NPHP4: variants seen among roughly 807,000 people sequenced by gnomAD.
NPHP4 encodes nephrocystin 4.
In NPHP4, 151 loss-of-function variants were observed where a neutral mutation model predicts 155.8. That is an observed-to-expected ratio of 0.97 (90% confidence interval 0.85 to 1.11). NPHP4 has a LOEUF of 1.11. NPHP4 is among the 50% of genes least tolerant of loss of function. The pLI, the probability that NPHP4 is intolerant of heterozygous loss-of-function variation, is 0.00. For synonymous variants in NPHP4, 845 were observed against 816.8 expected, an observed-to-expected ratio of 1.03 and a Z score of -0.59; for missense variants, 1,956 against 1,925.7, an observed-to-expected ratio of 1.02 and a Z score of -0.29.
At chr1:5,960,106 T>C (rs1179686571) in intron 6 of NPHP4, among the ~76,000 whole-genome samples, 1 of 152,186 alleles carries the variant, frequency 6.6e-6, no homozygotes, top group Non-Finnish European at 1.5e-5. Context: ...TCAACAGCAG[T>C]GACAATGAGG....
At chr1:5,984,342 G>A (rs1358667953) in intron 2 of NPHP4, among the ~76,000 whole-genome samples, 1 of 151,982 alleles carries the variant, frequency 6.6e-6, no homozygotes, top group East Asian at 1.9e-4. Flanking sequence ...AAACCAGCCT[G>A]GCCAACATGG....
intron 11 of NPHP4, among the ~76,000 whole-genome samples, chr1:5,918,993 G>C (rs942931679): frequency 7.9e-5 from 12 of 152,196 alleles, no homozygotes; most frequent in Non-Finnish European, 1.0e-4. Context: ...CTGCAGATCA[G>C]GGGTCTGCAA....
At chr1:5,888,661 G>A in intron 17 of NPHP4, 1 of 1,283,282 alleles carries the variant, frequency 7.8e-7, no homozygotes, top group East Asian at 4.6e-5. Context: ...TTCTCCAAGA[G>A]GCAAGGAAAT....
Position 5,897,405 on chromosome 1 carries a change from G to T in NPHP4, c.2144-6377C>A, listed in dbSNP as rs527683507. ...TTAACCAAGCAACCGAATCAGCGTC[G>T]TAACAATGAGATAGTCTGACATTCG... On this transcript the variant is annotated intron_variant, in intron 16 of 29. Transcript: ENST00000378156. Among the ~76,000 whole-genome samples the T allele has an allele frequency of 7.9e-5, 12 of 152,268 alleles. No individual in the cohort carries two copies. The South Asian group carries it at 1.7e-3, about 21-fold the overall frequency.
chr1:5,969,066 T>C (rs1484096753), intron 4 of NPHP4, 21 bp downstream of exon 4: 1 of 1,504,414 alleles, frequency 6.6e-7, no homozygotes. Flanking sequence ...AACCCCAGGG[T>C]TGTAGAAACA....
rs1460884501 is a variant in NPHP4 at position 5,864,535 on chromosome 1, G to A, written c.3817-18C>T. ...GGGTCTGTCTTCAAGAGCGAGAGAGGCGGGTCAGAGCACAGCCTCTCAGGA... is the reference window on the plus strand; with the variant it reads ...GGGTCTGTCTTCAAGAGCGAGAGAGACGGGTCAGAGCACAGCCTCTCAGGA... On this transcript the variant is annotated intron_variant, in intron 27 of 29. Coordinates refer to ENST00000378156, the MANE Select transcript of NPHP4 (RefSeq NM_015102.5). 5.8e-5 allele frequency: 88 copies of A among 1,509,294 alleles called. No individual in the cohort carries two copies. Among genetic ancestry groups the A allele is most frequent in the Non-Finnish European group, 7.7e-5 (86 of 1,123,192 alleles). The allele number at this position is 1,509,294 out of a possible 1,614,324, so 93.5% of individuals were successfully genotyped here. A position where few individuals can be genotyped will look rare whatever the true frequency, so the allele number is the denominator to read the frequency against.
At chr1:5,926,052 T>C (rs1055714340) in intron 11 of NPHP4, among the ~76,000 whole-genome samples, 2 of 152,180 alleles carry the variant, frequency 1.3e-5, no homozygotes, top group African/African-American at 4.8e-5. Flanking sequence ...TGACAGGAAA[T>C]GCATGCATGC....
chr1:5,923,795 T>C (rs1414137847), intron 11 of NPHP4, among the ~76,000 whole-genome samples: 4 of 152,148 alleles, frequency 2.6e-5, no homozygotes, highest in Admixed American at 6.5e-5. Flanking sequence ...ATTTATCAGA[T>C]ACAAAAACAT....
At chr1:5,986,693 T>A (rs1655540044) in intron 1 of NPHP4, among the ~76,000 whole-genome samples, 1 of 152,112 alleles carries the variant, frequency 6.6e-6, no homozygotes, top group Non-Finnish European at 1.5e-5. Context: ...GCGAATTACC[T>A]TTTCAGAAAT....
intron 11 of NPHP4, among the ~76,000 whole-genome samples, chr1:5,918,082 G>A (rs891806037): frequency 7.2e-5 from 11 of 152,074 alleles, no homozygotes; most frequent in Admixed American, 3.3e-4. Flanking sequence ...TAGCAAATTC[G>A]ACTAATACCC....
rs2102003063 is a variant in NPHP4, at chr1:5,952,736, C to T, written c.774G>A (p.Glu258=). 6.4e-7 allele frequency: 1 copy of T among 1,563,128 alleles called. No individual in the cohort carries two copies. Among genetic ancestry groups the T allele is most frequent in the East Asian group, 2.4e-5 (1 of 42,002 alleles). Residue 258 remains glutamate, a synonymous_variant, in exon 7 of 30, where the codon GAG becomes GAA. Transcript: ENST00000378156. ...LYPSLEKFEE[E]LLELHVQDHF... ...GGTCCTGGACGTGGAGCTCCAGCAGCTCTTCCTCAAACTTCTCCAGGGAGG... is the reference window on the plus strand; with the variant it reads ...GGTCCTGGACGTGGAGCTCCAGCAGTTCTTCCTCAAACTTCTCCAGGGAGG...
chr1:5,961,267 C>CA (rs907626044), intron 6 of NPHP4, among the ~76,000 whole-genome samples: 1 of 152,092 alleles, frequency 6.6e-6, no homozygotes, highest in Non-Finnish European at 1.5e-5. Flanking sequence ...AATAGGGAGT[C>CA]AGTGTGGAAG....
At chr1:5,902,305 A>G (rs1239494306) in intron 16 of NPHP4, among the ~76,000 whole-genome samples, 1 of 152,202 alleles carries the variant, frequency 6.6e-6, no homozygotes, top group Non-Finnish European at 1.5e-5. Flanking sequence ...CCAGGTGCAA[A>G]GCCTGCTGCT....
intron 6 of NPHP4, among the ~76,000 whole-genome samples, chr1:5,954,194 T>C (rs964384318): frequency 6.6e-6 from 1 of 152,188 alleles, no homozygotes; most frequent in African/African-American, 2.4e-5. Flanking sequence ...TGAAACTTTA[T>C]TATAATAGAG....
chr1:5,873,105 G>A (rs776420088), intron 23 of NPHP4, 147 bp downstream of exon 23: 21 of 703,058 alleles, frequency 3.0e-5, no homozygotes, highest in South Asian at 9.7e-5. Flanking sequence ...GCGAGGACAC[G>A]GAAAAGGCCA....
chr1:5,879,725 G>A (rs1457306475), intron 19 of NPHP4: 2 of 421,124 alleles, frequency 4.7e-6, no homozygotes, highest in Non-Finnish European at 9.3e-6. Flanking sequence ...CATATGGACA[G>A]CACAGTCCTG....
chr1:5,920,942 A>C (rs1645713295), intron 11 of NPHP4, among the ~76,000 whole-genome samples: 1 of 152,192 alleles, frequency 6.6e-6, no homozygotes, highest in South Asian at 2.1e-4. Flanking sequence ...AAAGGCCATA[A>C]AAATATTCTC....
intron 5 of NPHP4, among the ~76,000 whole-genome samples, chr1:5,962,581 A>G (rs1650539970): frequency 6.6e-6 from 1 of 152,214 alleles, no homozygotes; most frequent in Admixed American, 6.5e-5. Context: ...GGCCAGCAGC[A>G]TCAGAGACAG....
intron 13 of NPHP4, among the ~76,000 whole-genome samples, chr1:5,906,194 A>G (rs1644906536): frequency 6.6e-6 from 1 of 152,202 alleles, no homozygotes; most frequent in African/African-American, 2.4e-5. Flanking sequence ...AGAAAGATGA[A>G]GCTTCCTCAA....
Sources: allele counts gnomAD v4.1 joint callset (sites outside exome capture counted in the v4.1 genomes callset), GRCh38; gene constraint gnomAD v4.1.1; transcripts MANE v1.5; gene names NCBI Gene and HGNC (gene_info 2026-07-23, HGNC 2026-07-21).